CFAP73: variants seen among roughly 807,000 people sequenced by gnomAD.
CFAP73 encodes cilia- and flagella-associated protein 73.
In CFAP73, 33 loss-of-function variants were observed where a neutral mutation model predicts 42.9. The observed-to-expected ratio is 0.77, with a 90% confidence interval of 0.58 to 1.03. The LOEUF (loss-of-function observed/expected upper bound fraction) is 1.03, where lower values mean the gene tolerates loss of function less well. Among genes scored for constraint, CFAP73 ranks in the 50% least tolerant of loss-of-function variants. CFAP73 has a pLI of 0.00. For missense variants in CFAP73, 392 were observed against 411.9 expected (o/e 0.95, Z 0.42); for synonymous variants, 162 against 186.8 (o/e 0.87, Z 1.08).
Position 113,151,309 on chromosome 12 carries a change from C to G in CFAP73, c.57-609C>G, listed in dbSNP as rs142001362. On this transcript the variant is annotated intron_variant, in intron 1 of 7. Transcript: ENST00000335621. ...CCAGCCTAGCCAACATGGTGAAACC[C>G]TGTCTCTACTAAAAATACAGAAATT... is the stretch of plus-strand genomic sequence containing the variant. Among the ~76,000 whole-genome samples the G allele has an allele frequency of 2.6e-3, 398 of 152,262 alleles. 6 individuals carry two copies. Among genetic ancestry groups the G allele is most frequent in the African/African-American group, 8.3e-3 (344 of 41,546 alleles).
In CFAP73 at chr12:113,158,901, C is replaced by G. The variant is rs771002131; in HGVS notation, c.*212C>G. 6.2e-7 allele frequency: 1 copy of G among 1,606,282 alleles called. No individual in the cohort carries two copies. The highest frequency in any genetic ancestry group is 1.7e-5 in the Admixed American group (1 of 59,690). On this transcript the variant is annotated 3_prime_UTR_variant, in exon 8 of 8. Transcript: ENST00000335621. The surrounding 1 kb of genome is among the most constrained non-coding windows in gnomAD (Gnocchi z 4.9). ...CTCACATCCTCTTCCGCATCTTGCC[C>G]TTCTTGGAGCGGGCACCCCGGCCGA...
chr12:113,157,735 G>A, intron 7 of CFAP73, 45 bp downstream of exon 7: 2 of 1,393,492 alleles, frequency 1.4e-6, no homozygotes, highest in Non-Finnish European at 2.0e-6. Flanking sequence ...TGAGATAGGA[G>A]GGCCCACATT....
Position 113,157,667 on chromosome 12 carries a change from C to A in CFAP73, c.915C>A (p.Ala305=). 1 of 1,551,538 alleles carries A rather than the reference C, an allele frequency of 6.4e-7. No homozygotes were observed. The highest frequency in any genetic ancestry group is 8.7e-7 in the Non-Finnish European group (1 of 1,146,926). The change falls in exon 7 of 8, where the codon GCC becomes GCA. Residue 305 remains alanine, a synonymous_variant. Coordinates refer to ENST00000335621, the MANE Select transcript of CFAP73 (RefSeq NM_001144872.3). ...GCCTGGGTCAGGCTGAGCCTGCAGC[C>A]CCTGCCTCCTAGCCCTGACACAGGT... ...LAGLGQAEPA[A]PAS
chr12:113,157,476 C>A, intron 6 of CFAP73, 126 bp from the exon 7 acceptor site: 1 of 745,384 alleles, frequency 1.3e-6, no homozygotes, highest in Non-Finnish European at 2.3e-6. Flanking sequence ...CCACCATCAT[C>A]ACTGTTCTTT....
chr12:113,153,632 C>T (rs58250526), intron 4 of CFAP73, among the ~76,000 whole-genome samples: 9,306 of 152,238 alleles, frequency 0.061, 350 homozygotes, highest in East Asian at 0.15. Context: ...CTCGCTTTGT[C>T]ACCAGGCTGG....
rs925855493 is a variant in CFAP73, at chr12:113,152,766, C to A, written c.163-17C>A. The A allele has an allele frequency of 2.1e-5, 32 of 1,543,390 alleles. No individual in the cohort carries two copies. The Admixed American group carries it at 6.3e-4, about 30-fold the overall frequency. ...GGACCCCCGAACCCACACAGACAAC[C>A]CACTCCTCACCCCCAGGTGTTCCGC... is the stretch of plus-strand genomic sequence containing the variant. On this transcript the variant is annotated splice_polypyrimidine_tract_variant and intron_variant, in intron 2 of 7. Transcript: ENST00000335621.
intron 5 of CFAP73, 80 bp from the exon 6 acceptor site, chr12:113,155,175 GAAAAA>G (rs199729083): frequency 1.1e-6 from 1 of 938,532 alleles, no homozygotes; most frequent in East Asian, 3.4e-5. Flanking sequence ...ATCTCAAAAA[GAAAAA>G]AAAAAAAAGT....
At position 113,158,731 on chromosome 12, in the gene CFAP73, T is replaced by C; in HGVS notation, c.*42T>C. The C allele has an allele frequency of 1.1e-6, 1 of 878,812 alleles. No homozygotes were observed. Among genetic ancestry groups the C allele is most frequent in the Non-Finnish European group, 1.7e-6 (1 of 589,230 alleles). The allele number at this position is 878,812 out of a possible 1,614,324, so 54.4% of individuals were successfully genotyped here. On this transcript the variant is annotated 3_prime_UTR_variant, in exon 8 of 8. Coordinates refer to ENST00000335621, the MANE Select transcript of CFAP73 (RefSeq NM_001144872.3). The surrounding 1 kb of genome is among the most constrained non-coding windows in gnomAD (Gnocchi z 4.9). Reference sequence around the variant, plus strand: ...CGCAGCTGCTGCCCTTCTGTGGCCATACAGTGCTCCTTTTCACAGATGATG... The same window carrying C: ...CGCAGCTGCTGCCCTTCTGTGGCCACACAGTGCTCCTTTTCACAGATGATG...
At position 113,149,760 on chromosome 12, in the gene CFAP73, G is replaced by A; in HGVS notation, c.-98G>A. On this transcript the variant is annotated 5_prime_UTR_variant, in exon 1 of 8. Coordinates refer to ENST00000335621, the MANE Select transcript of CFAP73 (RefSeq NM_001144872.3). ...GTGGCTGCCTTCTGGGCCGAGCTGA[G>A]CAGGCTTCCACACCACGCTCCACAG... 1 of 1,272,876 alleles carries A rather than the reference G, an allele frequency of 7.9e-7. No homozygotes were observed. Among genetic ancestry groups the A allele is most frequent in the South Asian group, 1.3e-5 (1 of 75,016 alleles). The allele number at this position is 1,272,876 out of a possible 1,614,324, so 78.8% of individuals were successfully genotyped here. A position where few individuals can be genotyped will look rare whatever the true frequency, so the allele number is the denominator to read the frequency against.
chr12:113,157,615 T>G lies in CFAP73; in HGVS notation c.863T>G (p.Met288Arg). The change falls in exon 7 of 8, where the codon ATG becomes AGG. Residue 288 changes from methionine (M) to arginine (R), a missense_variant. By Grantham distance (91) the Met-to-Arg change is moderately conservative. Coordinates refer to ENST00000335621, the MANE Select transcript of CFAP73 (RefSeq NM_001144872.3). ...EGQLEHVKLF[M>R]QDLSAMLAGL... ...GGGCCCCCCCAGGTGAAGCTGTTCATGCAGGACCTCTCTGCCATGCTGGCC... is the reference window on the plus strand; with the variant it reads ...GGGCCCCCCCAGGTGAAGCTGTTCAGGCAGGACCTCTCTGCCATGCTGGCC... 6.4e-7 allele frequency: 1 copy of G among 1,551,682 alleles called. No individual in the cohort carries two copies. The highest frequency in any genetic ancestry group is 8.7e-7 in the Non-Finnish European group (1 of 1,146,986).
At position 113,155,267 on chromosome 12, in the gene CFAP73, A is replaced by G. The variant is rs747866706; in HGVS notation, c.698A>G (p.Lys233Arg). Reference sequence around the variant, plus strand: ...GGGGCGGGTGTTCTCCAGGAATCCAAGTGGATTCAGATTCAGAACACAGCA... The same window carrying G: ...GGGGCGGGTGTTCTCCAGGAATCCAGGTGGATTCAGATTCAGAACACAGCA... ...ARERTLQWES[K>R]WIQIQNTAAE... Residue 233 changes from lysine to arginine, a missense_variant, in exon 6 of 8, where the codon AAG (lysine) becomes AGG (arginine). Physicochemically the swap from Lys to Arg is conservative, Grantham distance 26 (BLOSUM62 2). Transcript: ENST00000335621. 1.0e-4 allele frequency: 154 copies of G among 1,531,878 alleles called. No individual in the cohort carries two copies. In the African/African-American group the frequency reaches 1.8e-3, roughly 18 times the overall value. The allele number at this position is 1,531,878 out of a possible 1,614,324, so 94.9% of individuals were successfully genotyped here. A position where few individuals can be genotyped will look rare whatever the true frequency, so the allele number is the denominator to read the frequency against.
Position 113,154,668 on chromosome 12 carries a change from A to C in CFAP73, c.690+33A>C. 7.3e-7 allele frequency: 1 copy of C among 1,379,100 alleles called. No individual in the cohort carries two copies. The highest frequency in any genetic ancestry group is 1.7e-5 in the South Asian group (1 of 59,154). 85.4% of individuals were successfully genotyped at this position (1,379,100 alleles called of 1,614,324 possible). On this transcript the variant is annotated intron_variant, in intron 5 of 7. Coordinates refer to ENST00000335621, the MANE Select transcript of CFAP73 (RefSeq NM_001144872.3). This position sits in a 1 kb window ranked among gnomAD's most constrained non-coding sequence, Gnocchi z 4.7. ...CCGCCCTAGGTGGGGGGCGCTCCGG[A>C]CCCCAGGCTTCCACAGCCGGGCGGG... is the stretch of plus-strand genomic sequence containing the variant.
chr12:113,153,435 C>T (rs1290731183), intron 4 of CFAP73, 27 bp downstream of exon 4: 1 of 1,386,932 alleles, frequency 7.2e-7, no homozygotes, highest in East Asian at 2.9e-5. Context: ...AGGCTGGGAG[C>T]TCGGCGCCAC....
rs1173890284 is a variant in CFAP73, at chr12:113,155,400, G to A, written c.831G>A (p.Thr277=). Residue 277 remains threonine, a synonymous_variant, in exon 6 of 8, where the codon ACG becomes ACA. Transcript: ENST00000335621. ...CTCCCACCCTGGACATCGAGGACACGGAGGGACAGCTAGAGCACGTGAGGA... is the reference window on the plus strand; with the variant it reads ...CTCCCACCCTGGACATCGAGGACACAGAGGGACAGCTAGAGCACGTGAGGA... ...GQPPTLDIED[T]EGQLEHVKLF... is the part of the protein sequence containing the mutation. 3.2e-6 allele frequency: 5 copies of A among 1,550,594 alleles called. No homozygotes were observed. The highest frequency in any genetic ancestry group is 1.2e-5 in the South Asian group (1 of 83,958).
At chr12:113,151,862 T>G in intron 1 of CFAP73, 56 bp from the exon 2 acceptor site, 1 of 1,236,010 alleles carries the variant, frequency 8.1e-7, no homozygotes, top group Non-Finnish European at 1.2e-6. Flanking sequence ...AGTGGTGAGA[T>G]GTGGGGCCCT....
Position 113,153,339 on chromosome 12 carries a change from G to A in CFAP73, c.399G>A (p.Leu133=). The change falls in exon 4 of 8, where the codon CTG becomes CTA. Residue 133 remains leucine (L), a synonymous_variant. Transcript: ENST00000335621. ...AGCTACGGCGGGAACACGCGCGGCT[G>A]CAGCGCCGGCTTAAGCGCCTGGAGC... is the stretch of plus-strand genomic sequence containing the variant. ...LQELRREHAR[L]QRRLKRLEPC... The A allele has an allele frequency of 6.6e-7, 1 of 1,512,824 alleles. No individual in the cohort carries two copies. The highest frequency in any genetic ancestry group is 2.6e-5 in the East Asian group (1 of 38,802). 93.7% of individuals were successfully genotyped at this position (1,512,824 alleles called of 1,614,324 possible). A position where few individuals can be genotyped will look rare whatever the true frequency, so the allele number is the denominator to read the frequency against.
chr12:113,153,079 C>T, intron 3 of CFAP73, 129 bp from the exon 4 acceptor site: 1 of 1,077,366 alleles, frequency 9.3e-7, no homozygotes, highest in Non-Finnish European at 1.3e-6. Context: ...GGGTGAAGAG[C>T]CAGCTTCCGA....
chr12:113,151,329 G>A (rs61941406), intron 1 of CFAP73, among the ~76,000 whole-genome samples: 15,983 of 152,096 alleles, frequency 0.11, 957 homozygotes, highest in East Asian at 0.21. Context: ...TAAAAATACA[G>A]AAATTAGCTG....
chr12:113,155,363 A>T lies in CFAP73; in HGVS notation c.794A>T (p.His265Leu). The change falls in exon 6 of 8, where the codon CAT becomes CTT. Residue 265 changes from histidine (H) to leucine (L), a missense_variant. By Grantham distance (99) the His-to-Leu change is moderately conservative. Transcript: ENST00000335621. Reference sequence around the variant, plus strand: ...AACCTGTTCCAGCTAGTGTGCCAGCATCAGGGGCAGCCTCCCACCCTGGAC... The same window carrying T: ...AACCTGTTCCAGCTAGTGTGCCAGCTTCAGGGGCAGCCTCCCACCCTGGAC... ...VLNLFQLVCQ[H>L]QGQPPTLDIE... 1 of 1,551,528 alleles carries T rather than the reference A, an allele frequency of 6.4e-7. No individual in the cohort carries two copies. Among genetic ancestry groups the T allele is most frequent in the Non-Finnish European group, 8.7e-7 (1 of 1,146,808 alleles).
Sources: allele counts gnomAD v4.1 joint callset (sites outside exome capture counted in the v4.1 genomes callset), GRCh38; gene constraint gnomAD v4.1.1; non-coding constraint Gnocchi (gnomAD v3.1); transcripts MANE v1.5; gene names NCBI Gene and HGNC (gene_info 2026-07-23, HGNC 2026-07-21).